The following FAM200B variants were observed in gnomAD, a reference collection of about 807,000 sequenced individuals.
FAM200B encodes the protein protein FAM200B.
A neutral mutation model predicts 33.1 loss-of-function variants in FAM200B; 32 were observed. That is an observed-to-expected ratio of 0.97 (90% CI 0.73 to 1.30). The LOEUF is 1.30. Among genes scored for constraint, FAM200B ranks in the 50% most tolerant of loss-of-function variants. The probability of loss-of-function intolerance (pLI) is 0.00; values close to 1 mark genes in which losing one functional copy is unlikely to be tolerated. For synonymous variants in FAM200B, 240 were observed against 264.8 expected (o/e 0.91, Z 0.91); for missense variants, 741 against 754.0 (o/e 0.98, Z 0.20).
the FAM200B span, among the ~76,000 whole-genome samples, chr4:15,639,595 G>A: frequency 1.3e-5 from 2 of 152,154 alleles, no homozygotes; most frequent in East Asian, 3.8e-4. Flanking sequence ...TGGAAACAAG[G>A]CTTTTTTTGT....
chr4:15,687,249 ATAT>A lies in FAM200B; in HGVS notation c.274_276del (p.Ile92del), dbSNP rs1282392761. 1 of 1,545,968 alleles carries A rather than the reference ATAT, an allele frequency of 6.5e-7. No individual in the cohort carries two copies. The highest frequency in any genetic ancestry group is 2.5e-5 in the East Asian group (1 of 40,802). On this transcript the variant is annotated inframe_deletion, in exon 2 of 2. Coordinates refer to ENST00000422728, the MANE Select transcript of FAM200B (RefSeq NM_001145191.2). Reference sequence around the variant, plus strand: ...AGACCTCAGTGTGTTATTTGTAATAATATTCTTGCGAATGAAAGCTTAAAACCT... The same window carrying A: ...AGACCTCAGTGTGTTATTTGTAATAATCTTGCGAATGAAAGCTTAAAACCT...
At chr4:15,649,693 G>A in the FAM200B span, among the ~76,000 whole-genome samples, 1 of 151,354 alleles carries the variant, frequency 6.6e-6, no homozygotes, top group Non-Finnish European at 1.5e-5. Context: ...TTCACATATA[G>A]ACTTTATGGA....
At chr4:15,656,149 G>A in the FAM200B span, 2 of 455,778 alleles carry the variant, frequency 4.4e-6, no homozygotes, top group South Asian at 3.1e-5. Flanking sequence ...GTGAATAATG[G>A]AAGGTTGGTG....
the FAM200B span, among the ~76,000 whole-genome samples, chr4:15,637,034 A>C: frequency 6.6e-6 from 1 of 152,230 alleles, no homozygotes; most frequent in Non-Finnish European, 1.5e-5. Flanking sequence ...TAAATCAACA[A>C]GTATAGAGTC....
chr4:15,674,938 C>T, the FAM200B span, among the ~76,000 whole-genome samples: 24 of 152,088 alleles, frequency 1.6e-4, no homozygotes, highest in Admixed American at 1.3e-3. Flanking sequence ...CACGAGCCAC[C>T]GCACCCAGTC....
chr4:15,657,892 T>G, the FAM200B span, among the ~76,000 whole-genome samples: 1 of 152,188 alleles, frequency 6.6e-6, no homozygotes, highest in African/African-American at 2.4e-5. Flanking sequence ...CCTTTTTGGA[T>G]GTATGACAGC....
At chr4:15,684,826 A>C (rs950646117) in intron 1 of FAM200B, 3 of 152,174 alleles carry the variant, frequency 2.0e-5, no homozygotes, top group African/African-American at 4.8e-5. Flanking sequence ...AAAACCTCCT[A>C]AGAAAAGCTT....
chr4:15,644,639 T>C, the FAM200B span: 1 of 1,614,154 alleles, frequency 6.2e-7, no homozygotes, highest in Non-Finnish European at 8.5e-7. Flanking sequence ...TTGAACTCCT[T>C]GAAAGTAGCA....
the FAM200B span, among the ~76,000 whole-genome samples, chr4:15,662,225 A>T: frequency 1.3e-5 from 2 of 152,200 alleles, no homozygotes; most frequent in African/African-American, 2.4e-5. Context: ...AACGTGGTCC[A>T]GAACTGGTTT....
chr4:15,659,142 T>C, the FAM200B span, among the ~76,000 whole-genome samples: 6 of 152,164 alleles, frequency 3.9e-5, no homozygotes, highest in African/African-American at 1.2e-4. Flanking sequence ...GGGTACCCAG[T>C]AAAATAATTA....
the FAM200B span, among the ~76,000 whole-genome samples, chr4:15,654,239 T>C: frequency 1.3e-5 from 2 of 152,238 alleles, no homozygotes; most frequent in South Asian, 2.1e-4. Context: ...CAGTAGTCAT[T>C]TGAATGCTTT....
chr4:15,675,988 A>T, the FAM200B span, among the ~76,000 whole-genome samples: 1 of 152,318 alleles, frequency 6.6e-6, no homozygotes, highest in African/African-American at 2.4e-5. Context: ...AAATTTTAAA[A>T]GGAGTGAGAG....
the FAM200B span, among the ~76,000 whole-genome samples, chr4:15,674,864 T>C: frequency 4.2e-4 from 64 of 152,300 alleles, no homozygotes; most frequent in East Asian, 6.0e-3. Context: ...TTAGCCAGGA[T>C]GGTCTCGATC....
the FAM200B span, among the ~76,000 whole-genome samples, chr4:15,640,349 C>G: frequency 1.6e-5 from 2 of 125,044 alleles, no homozygotes; most frequent in African/African-American, 5.9e-5. Flanking sequence ...CCAGCCAAGA[C>G]TAATACATTT....
the FAM200B span, among the ~76,000 whole-genome samples, chr4:15,674,306 C>T: frequency 2.6e-5 from 4 of 151,102 alleles, no homozygotes; most frequent in East Asian, 1.9e-4. Context: ...AATGTAGTAC[C>T]GCTATTGGTA....
the FAM200B span, among the ~76,000 whole-genome samples, chr4:15,649,273 A>T: frequency 1.3e-5 from 2 of 152,110 alleles, no homozygotes; most frequent in African/African-American, 4.8e-5. Flanking sequence ...AAGTTAGTAA[A>T]TTTAGCAGTT....
the FAM200B span, among the ~76,000 whole-genome samples, chr4:15,667,971 G>A: frequency 6.6e-6 from 1 of 151,714 alleles, no homozygotes; most frequent in Non-Finnish European, 1.5e-5. Context: ...AACTCGGGAG[G>A]TGGAGGTTGC....
chr4:15,650,883 G>T, the FAM200B span, among the ~76,000 whole-genome samples: 1 of 151,548 alleles, frequency 6.6e-6, no homozygotes, highest in African/African-American at 2.4e-5. Context: ...CACCTGCCTC[G>T]GCCTCCCAAA....
At position 15,687,421 on chromosome 4, in the gene FAM200B, A is replaced by G. The variant is rs1718964976; in HGVS notation, c.444A>G (p.Leu148=). The G allele has an allele frequency of 1.3e-6, 2 of 1,550,426 alleles. No individual in the cohort carries two copies. Among genetic ancestry groups the G allele is most frequent in the East Asian group, 2.4e-5 (1 of 40,850 alleles). Residue 148 remains leucine, a synonymous_variant, in exon 2 of 2, where the codon TTA becomes TTG. Transcript: ENST00000422728. The stretch of plus-strand genomic sequence containing the variant: ...CTGCTGTTAGTGAGAAAGCCTTATT[A>G]TCATCATATTTAGTTGCATATCGTG... ...CSTAVSEKAL[L]SSYLVAYRVA...
Sources: gnomAD v4.1 joint callset for allele counts (sites outside exome capture counted in the v4.1 genomes callset) on GRCh38, gnomAD v4.1.1 for gene constraint, MANE v1.5 for transcripts, NCBI Gene and HGNC (gene_info 2026-07-23, HGNC 2026-07-21) for gene names.